The following GPC5 variants were observed in gnomAD, a reference collection of about 807,000 sequenced individuals.
The protein encoded by GPC5 is glypican-5.
In GPC5, 47 loss-of-function variants were observed where a neutral mutation model predicts 53.9. The observed-to-expected ratio is 0.87, with a 90% confidence interval of 0.69 to 1.11. GPC5 has a LOEUF of 1.11. GPC5 is among the 50% of genes most tolerant of loss of function. The pLI is 0.00. For synonymous variants in GPC5, 286 were observed against 263.3 expected (o/e 1.09, Z -0.84); for missense variants, 748 against 713.1 (o/e 1.05, Z -0.56).
intron 5 of GPC5, among the ~76,000 whole-genome samples, chr13:91,767,075 A>C (rs1379570667): frequency 6.6e-6 from 1 of 152,118 alleles, no homozygotes; most frequent in Non-Finnish European, 1.5e-5. Context: ...GGATTAGAAG[A>C]CTTCCATTTG....
intron 7 of GPC5, among the ~76,000 whole-genome samples, chr13:92,293,952 A>G (rs9516055): frequency 0.086 from 13,013 of 150,460 alleles, 616 homozygotes; most frequent in Middle Eastern, 0.12. Flanking sequence ...AGATGATCAT[A>G]TGTTTTTTTG....
At chr13:92,356,822 C>T (rs1209745909) in intron 7 of GPC5, among the ~76,000 whole-genome samples, 1 of 152,206 alleles carries the variant, frequency 6.6e-6, no homozygotes, top group Admixed American at 6.5e-5. Flanking sequence ...GGTACTCAGT[C>T]TAGTACTCAG....
chr13:92,269,168 T>G (rs2042823080), intron 7 of GPC5, among the ~76,000 whole-genome samples: 1 of 152,106 alleles, frequency 6.6e-6, no homozygotes, highest in Non-Finnish European at 1.5e-5. Flanking sequence ...ATAAACCTTA[T>G]TTTTCTAATT....
intron 5 of GPC5, among the ~76,000 whole-genome samples, chr13:91,781,158 C>T (rs342673): frequency 0.31 from 46,670 of 152,086 alleles, 8,913 homozygotes; most frequent in African/African-American, 0.53. Flanking sequence ...AGGTTTCATT[C>T]CCATAGTCAT....
intron 2 of GPC5, among the ~76,000 whole-genome samples, chr13:91,648,108 A>G (rs761768265): frequency 1.3e-5 from 2 of 152,220 alleles, no homozygotes; most frequent in African/African-American, 4.8e-5. Flanking sequence ...ATAAGATTAT[A>G]TACTAGTGTT....
At chr13:92,054,085 A>G (rs2041054158) in intron 6 of GPC5, among the ~76,000 whole-genome samples, 1 of 147,460 alleles carries the variant, frequency 6.8e-6, no homozygotes, top group Non-Finnish European at 1.5e-5. Flanking sequence ...GATTTCACTT[A>G]TAGAGGCAGG....
chr13:91,505,869 T>G (rs1884911523), intron 2 of GPC5, among the ~76,000 whole-genome samples: 2 of 152,234 alleles, frequency 1.3e-5, no homozygotes, highest in South Asian at 4.1e-4. Flanking sequence ...TACTCTTATC[T>G]TCTCAAACGC....
At chr13:92,732,730 C>T (rs1000362217) in intron 7 of GPC5, among the ~76,000 whole-genome samples, 4 of 151,672 alleles carry the variant, frequency 2.6e-5, no homozygotes, top group Admixed American at 6.6e-5. Context: ...TATCTTCTTA[C>T]CAAGCCTGCT....
intron 5 of GPC5, among the ~76,000 whole-genome samples, chr13:91,833,907 G>C (rs2038692652): frequency 1.3e-5 from 2 of 152,112 alleles, no homozygotes; most frequent in South Asian, 2.1e-4. Context: ...AATCAAGCAA[G>C]AGAAAGAAAT....
At chr13:91,761,167 G>A (rs2037402911) in intron 5 of GPC5, among the ~76,000 whole-genome samples, 1 of 152,050 alleles carries the variant, frequency 6.6e-6, no homozygotes, top group Non-Finnish European at 1.5e-5. Context: ...AATTACCAGG[G>A]CTTCCTTTTC....
rs139428134 is a variant in GPC5 at position 92,565,869 on chromosome 13, G to T, written c.1562-300413G>T. 3.0e-3 allele frequency among the ~76,000 whole-genome samples: 450 copies of T among 151,948 alleles called. 5 individuals are homozygous for T. The highest frequency in any genetic ancestry group is 0.011 in the African/African-American group (438 of 41,498). ...TTAAAAAGATTTTTTAAAGCAAAAT[G>T]AGTCCACATTTTTACCCTTCTATTT... On this transcript the variant is annotated intron_variant, in intron 7 of 7. Coordinates refer to ENST00000377067, the MANE Select transcript of GPC5 (RefSeq NM_004466.6).
intron 2 of GPC5, among the ~76,000 whole-genome samples, chr13:91,514,888 G>C (rs898899116): frequency 6.6e-6 from 1 of 151,696 alleles, no homozygotes; most frequent in African/African-American, 2.4e-5. Context: ...TTCACTTTAA[G>C]GTCAAAAATA....
intron 7 of GPC5, among the ~76,000 whole-genome samples, chr13:92,349,429 GC>G (rs1187232803): frequency 1.3e-5 from 2 of 150,070 alleles, no homozygotes; most frequent in African/African-American, 4.9e-5. Context: ...ACAGGTGTTA[GC>G]CCCGCACCCA....
Position 92,347,153 on chromosome 13 carries a change from C to G in GPC5, c.1561+202164C>G, listed in dbSNP as rs2043420118. ...AGAAATAAGGGCTAAAAAAAACTTC[C>G]ATATTCTGTGAACAGATGCCAACAT... is the stretch of plus-strand genomic sequence containing the variant. On this transcript the variant is annotated intron_variant, in intron 7 of 7. Transcript: ENST00000377067. Among the ~76,000 whole-genome samples the G allele has an allele frequency of 2.0e-5, 3 of 152,114 alleles. No individual in the cohort carries two copies. In the South Asian group the frequency reaches 6.2e-4, roughly 32 times the overall value.
chr13:91,659,542 T>C (rs1053930771), intron 2 of GPC5, among the ~76,000 whole-genome samples: 1 of 152,222 alleles, frequency 6.6e-6, no homozygotes, highest in Non-Finnish European at 1.5e-5. Context: ...TTTATTATGC[T>C]CTTTCTAAGA....
chr13:92,353,122 C>T (rs1364651290), intron 7 of GPC5, among the ~76,000 whole-genome samples: 3 of 150,992 alleles, frequency 2.0e-5, no homozygotes, highest in Admixed American at 6.6e-5. Context: ...TAGCCAGGCG[C>T]GGTGGCGGGC....
At chr13:91,472,569 G>T (rs2139184511) in intron 2 of GPC5, among the ~76,000 whole-genome samples, 1 of 152,266 alleles carries the variant, frequency 6.6e-6, no homozygotes, top group South Asian at 2.1e-4. Context: ...AAACTAGGAA[G>T]AAAAATTTTA....
intron 2 of GPC5, among the ~76,000 whole-genome samples, chr13:91,583,788 A>G (rs2032458932): frequency 1.3e-5 from 2 of 152,220 alleles, no homozygotes; most frequent in Non-Finnish European, 2.9e-5. Context: ...TGTAAAGTGC[A>G]GATAAAAAAA....
chr13:92,587,701 A>G (rs1883582434), intron 7 of GPC5, among the ~76,000 whole-genome samples: 1 of 152,242 alleles, frequency 6.6e-6, no homozygotes, highest in South Asian at 2.1e-4. Context: ...AAATATAGAT[A>G]CAGCCTTTCC....
Sources: allele counts gnomAD v4.1 joint callset (sites outside exome capture counted in the v4.1 genomes callset), GRCh38; gene constraint gnomAD v4.1.1; transcripts MANE v1.5; gene names NCBI Gene and HGNC (gene_info 2026-07-23, HGNC 2026-07-21).